The following TSHZ2 variants were observed in gnomAD, a reference collection of about 807,000 sequenced individuals.
TSHZ2 encodes teashirt homolog 2.
A neutral mutation model predicts 74.4 loss-of-function variants in TSHZ2; 21 were observed. The observed-to-expected ratio is 0.28, with a 90% CI of 0.20 to 0.41. The LOEUF is 0.41. TSHZ2 is among the 10% of genes least tolerant of loss of function. The pLI, the probability that TSHZ2 is intolerant of heterozygous loss-of-function variation, is 1.00. For synonymous variants in TSHZ2, 540 were observed against 515.3 expected (o/e 1.05, Z -0.65); for missense variants, 1,244 against 1,293.5 (o/e 0.96, Z 0.59).
chr20:53,383,428 G>C (rs191009280), intron 2 of TSHZ2, among the ~76,000 whole-genome samples: 2 of 152,148 alleles, frequency 1.3e-5, no homozygotes, highest in East Asian at 3.9e-4. Context: ...GTTCCATAGG[G>C]GTGGATAAAT....
chr20:52,980,168 A>G (rs778720021), intron 1 of TSHZ2, among the ~76,000 whole-genome samples: 1 of 152,254 alleles, frequency 6.6e-6, no homozygotes, highest in Non-Finnish European at 1.5e-5. Context: ...GGATCTTCGT[A>G]AGATAGCTAG....
intron 2 of TSHZ2, among the ~76,000 whole-genome samples, chr20:53,438,025 C>G (rs1051431450): frequency 6.6e-6 from 1 of 152,234 alleles, no homozygotes; most frequent in African/African-American, 2.4e-5. Context: ...CGGGTATCCC[C>G]TTATAGCAAC....
chr20:53,183,282 C>T (rs1988524725), intron 1 of TSHZ2, among the ~76,000 whole-genome samples: 1 of 152,120 alleles, frequency 6.6e-6, no homozygotes, highest in Non-Finnish European at 1.5e-5. Flanking sequence ...TGTGTAAGGG[C>T]CCCTTTGAAG....
intron 2 of TSHZ2, among the ~76,000 whole-genome samples, chr20:53,483,562 A>T (rs1486460987): frequency 6.6e-6 from 1 of 152,128 alleles, no homozygotes; most frequent in African/African-American, 2.4e-5. Context: ...TTAAAAAATT[A>T]AAAAACAAAA....
At chr20:53,240,713 TAGATAGA>T (rs1224043763) in intron 1 of TSHZ2, among the ~76,000 whole-genome samples, 30 of 140,798 alleles carry the variant, frequency 2.1e-4, no homozygotes, top group Admixed American at 4.5e-4. Flanking sequence ...TTAAAATAGA[TAGATAGA>T]TGATAGATAG....
chr20:53,054,173 C>A (rs1984568697), intron 1 of TSHZ2, among the ~76,000 whole-genome samples: 1 of 152,246 alleles, frequency 6.6e-6, no homozygotes, highest in Non-Finnish European at 1.5e-5. Context: ...TGACAAACTT[C>A]TCCCTTCTCA....
At chr20:53,223,898 A>AACACACACAC (rs71675648) in intron 1 of TSHZ2, among the ~76,000 whole-genome samples, 33 of 145,500 alleles carry the variant, frequency 2.3e-4, no homozygotes, top group African/African-American at 7.9e-4. Context: ...TACAGGACTA[A>AACACACACAC]ACACACACAC....
In TSHZ2 at chr20:53,346,995, G is replaced by A. The variant is rs73133811; in HGVS notation, c.*8+90424G>A. Among the ~76,000 whole-genome samples, 958 of 152,254 alleles carry A rather than the reference G, an allele frequency of 6.3e-3. 6 individuals are homozygous for A. Among genetic ancestry groups the A allele is most frequent in the Non-Finnish European group, 0.01 (694 of 68,002 alleles). ...TTCTCACAGGATTAAGTGGCTGAGG[G>A]CATTAGACTCCCTCATCCTGAAGAT... On this transcript the variant is annotated intron_variant, in intron 2 of 2. Transcript: ENST00000371497.
chr20:53,406,244 TCA>T (rs1982847799), intron 2 of TSHZ2, among the ~76,000 whole-genome samples: 1 of 152,068 alleles, frequency 6.6e-6, no homozygotes, highest in Non-Finnish European at 1.5e-5. Context: ...GGGAGCAGGA[TCA>T]CAAAGATGGC....
intron 1 of TSHZ2, among the ~76,000 whole-genome samples, chr20:53,049,005 C>G (rs1346648865): frequency 6.6e-6 from 1 of 152,218 alleles, no homozygotes; most frequent in Admixed American, 6.5e-5. Flanking sequence ...GTCTGAAACT[C>G]AGTCTTCATG....
chr20:53,183,837 A>G (rs1204254140), intron 1 of TSHZ2, among the ~76,000 whole-genome samples: 1 of 152,200 alleles, frequency 6.6e-6, no homozygotes, highest in Non-Finnish European at 1.5e-5. Context: ...TGGGTCAACC[A>G]TTCGAAGGAA....
At chr20:53,055,651 A>G (rs1984616229) in intron 1 of TSHZ2, among the ~76,000 whole-genome samples, 1 of 152,024 alleles carries the variant, frequency 6.6e-6, no homozygotes, top group Non-Finnish European at 1.5e-5. Context: ...TTCAGTTGAT[A>G]TTTCCATGGC....
intron 2 of TSHZ2, among the ~76,000 whole-genome samples, chr20:53,269,005 G>T (rs904636143): frequency 2.6e-5 from 4 of 151,740 alleles, no homozygotes; most frequent in Non-Finnish European, 5.9e-5. Flanking sequence ...ATGCCGTGAG[G>T]TCTTAAAAAT....
chr20:52,997,865 GCTTTTA>G (rs113344600), intron 1 of TSHZ2, among the ~76,000 whole-genome samples: 2,870 of 152,268 alleles, frequency 0.019, 35 homozygotes, highest in African/African-American at 0.034. Context: ...AAACTCCCCT[GCTTTTA>G]GGATAAACAG....
chr20:53,388,998 G>A (rs980376646), intron 2 of TSHZ2, among the ~76,000 whole-genome samples: 7 of 152,202 alleles, frequency 4.6e-5, no homozygotes, highest in Admixed American at 2.6e-4. Context: ...TTCTCTTCCA[G>A]TGGATGATTA....
At chr20:53,264,379 C>T (rs548409027) in intron 2 of TSHZ2, among the ~76,000 whole-genome samples, 9 of 152,326 alleles carry the variant, frequency 5.9e-5, no homozygotes, top group African/African-American at 2.2e-4. Flanking sequence ...GAGCACAGGG[C>T]TCCTTATGCA....
chr20:53,195,397 A>C lies in TSHZ2; in HGVS notation c.41-58102A>C, dbSNP rs866180464. ...CTGTTTTCCCATGGTAAGCTGATGAAAACAACTATATTGGTGAAAGATATA... is the reference window on the plus strand; with the variant it reads ...CTGTTTTCCCATGGTAAGCTGATGACAACAACTATATTGGTGAAAGATATA... On this transcript the variant is annotated intron_variant, in intron 1 of 2. Transcript: ENST00000371497. 2.6e-5 allele frequency among the ~76,000 whole-genome samples: 4 copies of C among 152,174 alleles called. No individual in the cohort carries two copies. The South Asian group carries it at 8.3e-4, about 31-fold the overall frequency.
chr20:52,991,172 G>C (rs1040502246), intron 1 of TSHZ2, among the ~76,000 whole-genome samples: 8 of 151,770 alleles, frequency 5.3e-5, no homozygotes, highest in Non-Finnish European at 1.2e-4. Context: ...GTGTTGTAGG[G>C]GGAGAGAGTG....
At chr20:53,096,917 AAAAAC>A (rs776706478) in intron 1 of TSHZ2, among the ~76,000 whole-genome samples, 1 of 150,194 alleles carries the variant, frequency 6.7e-6, no homozygotes, top group Admixed American at 6.6e-5. Flanking sequence ...AAAAAAAACA[AAAAAC>A]AAAACAAAAA....
Sources: allele counts gnomAD v4.1 joint callset (sites outside exome capture counted in the v4.1 genomes callset), GRCh38; gene constraint gnomAD v4.1.1; transcripts MANE v1.5; gene names NCBI Gene and HGNC (gene_info 2026-07-23, HGNC 2026-07-21).